SGO2: variants seen among roughly 807,000 people sequenced by gnomAD.
SGO2 encodes shugoshin-like 2.
Under a neutral mutation model 99.5 loss-of-function variants are expected in SGO2, and 68 were observed. The observed-to-expected ratio is 0.68, with a 90% CI of 0.56 to 0.84. The LOEUF (loss-of-function observed/expected upper bound fraction) is 0.84, where lower values mean the gene tolerates loss of function less well. Among genes scored for constraint, SGO2 ranks in the 40% least tolerant of loss-of-function variants. SGO2 has a pLI of 0.00. For missense variants in SGO2, 1,350 were observed against 1,436.7 expected (o/e 0.94, Z 0.97); for synonymous variants, 457 against 487.1 (o/e 0.94, Z 0.81).
At chr2:200,541,939 C>T (rs570010715) in intron 4 of SGO2, among the ~76,000 whole-genome samples, 2 of 152,228 alleles carry the variant, frequency 1.3e-5, no homozygotes, top group Admixed American at 6.5e-5. Context: ...ATTACTGTAA[C>T]CCTCCTAACT....
chr2:200,532,763 G>A (rs948690888), intron 1 of SGO2, among the ~76,000 whole-genome samples: 12 of 151,864 alleles, frequency 7.9e-5, no homozygotes, highest in Non-Finnish European at 1.5e-4. Flanking sequence ...ATTAATGTAG[G>A]CTTAAATGAA....
At chr2:200,538,816 T>A (rs1452830496) in intron 4 of SGO2, among the ~76,000 whole-genome samples, 2 of 152,198 alleles carry the variant, frequency 1.3e-5, no homozygotes, top group East Asian at 3.8e-4. Flanking sequence ...TTTTAGTAAC[T>A]TTCCTAATTT....
chr2:200,562,173 G>T (rs2032999134), intron 5 of SGO2, among the ~76,000 whole-genome samples: 1 of 152,054 alleles, frequency 6.6e-6, no homozygotes, highest in Non-Finnish European at 1.5e-5. Flanking sequence ...TTTCTTCTAG[G>T]TTTTTTATGG....
chr2:200,558,723 G>A (rs2032817796), intron 5 of SGO2, among the ~76,000 whole-genome samples: 5 of 148,040 alleles, frequency 3.4e-5, no homozygotes, highest in Admixed American at 3.3e-4. Flanking sequence ...CATTTGTGTA[G>A]GATTTTTTTT....
At chr2:200,550,700 G>T (rs1162386816) in intron 5 of SGO2, among the ~76,000 whole-genome samples, 2 of 152,070 alleles carry the variant, frequency 1.3e-5, no homozygotes, top group Admixed American at 6.6e-5. Context: ...ATGGATAAAA[G>T]ATTTGAATCT....
intron 2 of SGO2, among the ~76,000 whole-genome samples, chr2:200,533,738 G>A (rs1214202780): frequency 2.0e-5 from 3 of 151,988 alleles, no homozygotes; most frequent in African/African-American, 7.3e-5. Context: ...GAGTTGGGGA[G>A]GTATCCTTTT....
At chr2:200,577,321 G>A (rs12467426) in intron 8 of SGO2, among the ~76,000 whole-genome samples, 31,588 of 152,068 alleles carry the variant, frequency 0.21, 3,522 homozygotes, top group East Asian at 0.44. Flanking sequence ...GGCCATCTGT[G>A]TATCTTCCTG....
chr2:200,564,947 A>AG (rs2033128285), intron 5 of SGO2, among the ~76,000 whole-genome samples: 1 of 152,054 alleles, frequency 6.6e-6, no homozygotes, highest in Non-Finnish European at 1.5e-5. Flanking sequence ...TTTTGAGCCT[A>AG]TGTGTGTCGC....
rs573093255 is a variant in SGO2, at chr2:200,565,235, G to C, written c.474-4428G>C. On this transcript the variant is annotated intron_variant, in intron 5 of 8. Coordinates refer to ENST00000357799, the MANE Select transcript of SGO2 (RefSeq NM_152524.6). ...TTTCAATGTTTAGCGCTTCCTTCAG[G>C]ATCTCTTTTAGGGCAGTCCTGGTGG... Among the ~76,000 whole-genome samples the C allele has an allele frequency of 2.0e-5, 3 of 152,164 alleles. No individual in the cohort carries two copies. The South Asian group carries it at 6.2e-4, about 32-fold the overall frequency.
rs764421638 is a variant in SGO2 at position 200,535,216 on chromosome 2, C to A, written c.309+45C>A. On this transcript the variant is annotated intron_variant, in intron 3 of 8. Transcript: ENST00000357799. ...TTTGAATTCTAATTATAACTTAAAT[C>A]TTTTAGCTGCATTATTATAGAAGCT... The A allele has an allele frequency of 8.0e-6, 11 of 1,375,340 alleles. No individual in the cohort carries two copies. In the Admixed American group the frequency reaches 1.8e-4, roughly 22 times the overall value. The allele number at this position is 1,375,340 out of a possible 1,614,324, so 85.2% of individuals were successfully genotyped here. A position where few individuals can be genotyped will look rare whatever the true frequency, so the allele number is the denominator to read the frequency against.
At chr2:200,561,959 C>T (rs1458481170) in intron 5 of SGO2, among the ~76,000 whole-genome samples, 1 of 152,056 alleles carries the variant, frequency 6.6e-6, no homozygotes, top group Non-Finnish European at 1.5e-5. Flanking sequence ...GATATTAGCC[C>T]TTTGTCAGAT....
intron 5 of SGO2, among the ~76,000 whole-genome samples, chr2:200,543,846 TTG>T (rs976001960): frequency 9.9e-5 from 15 of 152,248 alleles, no homozygotes; most frequent in African/African-American, 3.6e-4. Context: ...AAAAATTGTA[TTG>T]TGTGTCTTTA....
intron 5 of SGO2, among the ~76,000 whole-genome samples, chr2:200,548,906 C>A (rs1208611201): frequency 6.6e-6 from 1 of 152,040 alleles, no homozygotes; most frequent in African/African-American, 2.4e-5. Context: ...AATAGAAAAC[C>A]TCAACAAACC....
chr2:200,569,838 T>C lies in SGO2; in HGVS notation c.649T>C (p.Tyr217His), dbSNP rs1559214540. 6.2e-7 allele frequency: 1 copy of C among 1,605,046 alleles called. No homozygotes were observed. The highest frequency in any genetic ancestry group is 8.5e-7 in the Non-Finnish European group (1 of 1,171,958). The part of the protein sequence containing the change: ...LFLKENNQNV[Y>H]GLDDSEHISS... Reference sequence around the variant, plus strand: ...TCTTAAAGAAAATAATCAAAATGTATATGGTTTAGATGATTCAGAACATAT... The same window carrying C: ...TCTTAAAGAAAATAATCAAAATGTACATGGTTTAGATGATTCAGAACATAT... The change falls in exon 6 of 9, where the codon TAT (tyrosine) becomes CAT (histidine). Residue 217 changes from tyrosine (Y) to histidine (H), a missense_variant. By Grantham distance (83) the Tyr-to-His change is moderately conservative (BLOSUM62 2). Coordinates refer to ENST00000357799, the MANE Select transcript of SGO2 (RefSeq NM_152524.6).
Position 200,570,564 on chromosome 2 carries a change from T to C in SGO2, c.704-486T>C, listed in dbSNP as rs1424729510. On this transcript the variant is annotated intron_variant, in intron 6 of 8. Transcript: ENST00000357799. The surrounding 1 kb of genome is among the most constrained non-coding windows in gnomAD (Gnocchi z 4.4). The stretch of plus-strand genomic sequence containing the variant: ...ACACACACATATATACACACATATA[T>C]ATGGTATACATATAATGTATACAGT... 6.6e-6 allele frequency among the ~76,000 whole-genome samples: 1 copy of C among 151,312 alleles called. No homozygotes were observed. The highest frequency in any genetic ancestry group is 1.5e-5 in the Non-Finnish European group (1 of 67,738).
At chr2:200,550,467 TAAAC>T (rs1374979642) in intron 5 of SGO2, among the ~76,000 whole-genome samples, 1 of 152,060 alleles carries the variant, frequency 6.6e-6, no homozygotes, top group African/African-American at 2.4e-5. Context: ...AAAGCTGTAG[TAAAC>T]AAAACAGCAT....
At chr2:200,541,604 T>C (rs2031960016) in intron 4 of SGO2, among the ~76,000 whole-genome samples, 1 of 152,180 alleles carries the variant, frequency 6.6e-6, no homozygotes, top group Non-Finnish European at 1.5e-5. Flanking sequence ...CTCTACCTTC[T>C]TTTAATGGCT....
At position 200,540,518 on chromosome 2, in the gene SGO2, C is replaced by A. The variant is rs577992319; in HGVS notation, c.388-2061C>A. ...ATGGCTGGAACAGGGAAGGGTGCAC[C>A]TCATTACTTTCATGGCCTCTGCTGA... On this transcript the variant is annotated intron_variant, in intron 4 of 8. Coordinates refer to ENST00000357799, the MANE Select transcript of SGO2 (RefSeq NM_152524.6). 1.1e-3 allele frequency among the ~76,000 whole-genome samples: 163 copies of A among 152,224 alleles called. 1 individual carries two copies. Among genetic ancestry groups the A allele is most frequent in the Non-Finnish European group, 2.0e-3 (135 of 68,002 alleles).
At chr2:200,567,052 C>G (rs1171696955) in intron 5 of SGO2, among the ~76,000 whole-genome samples, 1 of 152,192 alleles carries the variant, frequency 6.6e-6, no homozygotes, top group East Asian at 1.9e-4. Flanking sequence ...CTTCAGTTCA[C>G]ACTCCGTGGG....
Sources: gnomAD v4.1 joint callset for allele counts (sites outside exome capture counted in the v4.1 genomes callset) on GRCh38, gnomAD v4.1.1 for gene constraint, Gnocchi (gnomAD v3.1) non-coding constraint, MANE v1.5 for transcripts, NCBI Gene and HGNC (gene_info 2026-07-23, HGNC 2026-07-21) for gene names.